The following XPO6 variants were observed in gnomAD, a reference collection of about 807,000 sequenced individuals.
XPO6 encodes exportin 6, also known as exportin-6.
A neutral mutation model predicts 130.0 loss-of-function variants in XPO6; 3 were observed. That is an observed-to-expected ratio of 0.02 (90% CI 0.01 to 0.06). XPO6 has a LOEUF of 0.06. Ranked by LOEUF, XPO6 falls within the 10% of genes least tolerant of loss-of-function variation. The probability of loss-of-function intolerance (pLI) is 1.00; values close to 1 mark genes in which losing one functional copy is unlikely to be tolerated. For missense variants in XPO6, 970 were observed against 1,393.0 expected (o/e 0.70, Z 4.83); for synonymous variants, 524 against 548.9 (o/e 0.95, Z 0.63).
intron 20 of XPO6, chr16:28,105,784 T>G (rs2086762349): frequency 2.2e-6 from 1 of 458,678 alleles, no homozygotes; most frequent in Middle Eastern, 6.0e-4. Context: ...AGGTATAAAA[T>G]TTGCCGCAGG....
intron 5 of XPO6, among the ~76,000 whole-genome samples, chr16:28,168,658 G>A (rs2043397808): frequency 6.6e-6 from 1 of 150,776 alleles, no homozygotes; most frequent in African/African-American, 2.4e-5. Context: ...CTGGAGTGCA[G>A]TGGTACGATC....
chr16:28,107,778 A>G, intron 17 of XPO6, 101 bp from the exon 18 acceptor site: 8 of 1,290,894 alleles, frequency 6.2e-6, no homozygotes, highest in Non-Finnish European at 8.8e-6. Context: ...GGTACCAAGA[A>G]GATGATCACA....
intron 15 of XPO6, among the ~76,000 whole-genome samples, chr16:28,114,826 C>T (rs1231825636): frequency 6.6e-6 from 1 of 152,170 alleles, no homozygotes; most frequent in South Asian, 2.1e-4. Context: ...GGAGTCAGTC[C>T]TCTCAAACCC....
intron 7 of XPO6, chr16:28,153,951 C>T (rs545181852): frequency 1.6e-4 from 161 of 985,314 alleles, no homozygotes; most frequent in Middle Eastern, 1.0e-3. Context: ...GACCTCTATG[C>T]GGCCGAGCTT....
chr16:28,194,694 G>A (rs183694083), intron 1 of XPO6, among the ~76,000 whole-genome samples: 28 of 152,018 alleles, frequency 1.8e-4, no homozygotes, highest in Non-Finnish European at 3.5e-4. Flanking sequence ...AAAGTTTTTC[G>A]GGGGTAAAAA....
At chr16:28,175,827 C>G (rs2043525823) in intron 4 of XPO6, 71 bp downstream of exon 4, 12 of 1,440,560 alleles carry the variant, frequency 8.3e-6, no homozygotes, top group Admixed American at 1.8e-5. Flanking sequence ...AAGTCCTCTT[C>G]AGGACAAGGA....
intron 9 of XPO6, among the ~76,000 whole-genome samples, chr16:28,135,701 T>A (rs963316409): frequency 1.3e-5 from 2 of 152,214 alleles, no homozygotes; most frequent in African/African-American, 4.8e-5. Context: ...TCTATTTGTA[T>A]CTGAATCCAA....
intron 10 of XPO6, among the ~76,000 whole-genome samples, chr16:28,134,622 C>T (rs1031804211): frequency 2.0e-5 from 3 of 152,078 alleles, no homozygotes; most frequent in Non-Finnish European, 4.4e-5. Flanking sequence ...TTGACCATGC[C>T]GCAGTCACTC....
At chr16:28,189,543 A>G (rs2043752526) in intron 1 of XPO6, among the ~76,000 whole-genome samples, 1 of 152,100 alleles carries the variant, frequency 6.6e-6, no homozygotes, top group African/African-American at 2.4e-5. Context: ...GTACAAATAT[A>G]CATTGATGTA....
intron 1 of XPO6, among the ~76,000 whole-genome samples, chr16:28,194,700 A>C (rs576626315): frequency 1.3e-5 from 2 of 152,108 alleles, no homozygotes; most frequent in African/African-American, 4.8e-5. Context: ...TTTCGGGGGT[A>C]AAAAAAGATT....
intron 6 of XPO6, 54 bp downstream of exon 6, chr16:28,166,454 T>A: frequency 1.3e-6 from 2 of 1,539,962 alleles, no homozygotes; most frequent in Non-Finnish European, 1.8e-6. Flanking sequence ...TCACCACACC[T>A]GGCCCCCAAT....
chr16:28,149,699 G>A (rs1047634363), intron 8 of XPO6, among the ~76,000 whole-genome samples: 5 of 152,092 alleles, frequency 3.3e-5, no homozygotes, highest in African/African-American at 4.8e-5. Context: ...CTAGGCTTGC[G>A]TAAGTGCACT....
At chr16:28,127,127 A>G (rs2087439335) in intron 12 of XPO6, among the ~76,000 whole-genome samples, 1 of 152,192 alleles carries the variant, frequency 6.6e-6, no homozygotes, top group South Asian at 2.1e-4. Context: ...CTCCAGTATC[A>G]ACTCAGCTCT....
chr16:28,124,895 GTC>G, intron 13 of XPO6, among the ~76,000 whole-genome samples: 1 of 152,228 alleles, frequency 6.6e-6, no homozygotes, highest in South Asian at 2.1e-4. Context: ...TGCTGGGCCA[GTC>G]GAAGCATCAG....
chr16:28,140,889 G>A (rs909004653), intron 9 of XPO6, among the ~76,000 whole-genome samples: 1 of 151,902 alleles, frequency 6.6e-6, no homozygotes, highest in Non-Finnish European at 1.5e-5. Flanking sequence ...AGAAATGAAT[G>A]AAAAACACAC....
intron 6 of XPO6, among the ~76,000 whole-genome samples, chr16:28,160,019 C>T (rs1410517105): frequency 2.0e-5 from 3 of 151,114 alleles, no homozygotes; most frequent in Non-Finnish European, 4.4e-5. Flanking sequence ...AACCCTGTCT[C>T]TACTAAAATA....
At chr16:28,170,740 A>G (rs2043436007) in intron 4 of XPO6, among the ~76,000 whole-genome samples, 1 of 152,258 alleles carries the variant, frequency 6.6e-6, no homozygotes, top group Non-Finnish European at 1.5e-5. Context: ...AAGATTAGTT[A>G]GGATTTTGCA....
chr16:28,153,625 C>A, intron 7 of XPO6: 1 of 985,418 alleles, frequency 1.0e-6, no homozygotes, highest in African/African-American at 1.7e-5. Context: ...ATCACTCTCA[C>A]ATTTCAGAAA....
At chr16:28,170,538 A>G (rs1212356839) in intron 4 of XPO6, among the ~76,000 whole-genome samples, 3 of 152,158 alleles carry the variant, frequency 2.0e-5, no homozygotes, top group Admixed American at 6.5e-5. Flanking sequence ...TACTTTGTCT[A>G]GTAGCCAAGT....
Sources: allele counts gnomAD v4.1 joint callset (sites outside exome capture counted in the v4.1 genomes callset), GRCh38; gene constraint gnomAD v4.1.1; transcripts MANE v1.5; gene names NCBI Gene and HGNC (gene_info 2026-07-23, HGNC 2026-07-21).